Variants in MTOR observed in about 807,000 individuals in gnomAD.
MTOR encodes the protein serine/threonine-protein kinase mTOR.
MTOR carries 70 observed loss-of-function variants against 319.8 expected under a neutral mutation model. That is an observed-to-expected ratio of 0.22 (90% CI 0.18 to 0.27). MTOR has a LOEUF of 0.27. Ranked by LOEUF, MTOR falls within the 10% of genes least tolerant of loss-of-function variation. The pLI, the probability that MTOR is intolerant of heterozygous loss-of-function variation, is 1.00. For missense variants in MTOR, 1,890 were observed against 3,274.4 expected (o/e 0.58, Z 10.32); for synonymous variants, 1,183 against 1,211.4 (o/e 0.98, Z 0.49).
In MTOR at chr1:11,114,308, T is replaced by C. The variant is rs1484005957; in HGVS notation, c.7300+10A>G. ...CTGAGCTCAGCTCCCAGGCACTTGA[T>C]GATACTCACTGTCCATCAGCCTCCA... On this transcript the variant is annotated intron_variant, in intron 53 of 57. Coordinates refer to ENST00000361445, the MANE Select transcript of MTOR (RefSeq NM_004958.4). 1.2e-6 allele frequency: 2 copies of C among 1,613,514 alleles called. No individual in the cohort carries two copies. Among genetic ancestry groups the C allele is most frequent in the African/African-American group, 1.3e-5 (1 of 74,896 alleles).
chr1:11,141,850 A>G (rs1643723921), intron 34 of MTOR, among the ~76,000 whole-genome samples: 2 of 150,534 alleles, frequency 1.3e-5, no homozygotes, highest in Non-Finnish European at 3.0e-5. Flanking sequence ...ATAAAAAAAA[A>G]ATTAGCCAGG....
chr1:11,248,734 C>T (rs1468730815), intron 6 of MTOR, among the ~76,000 whole-genome samples: 1 of 152,092 alleles, frequency 6.6e-6, no homozygotes, highest in Non-Finnish European at 1.5e-5. Flanking sequence ...ATCACTTGAA[C>T]CCAGCAGGCA....
chr1:11,137,150 A>AT lies in MTOR; in HGVS notation c.5130+2153dup, dbSNP rs371844124. ...AGCCACCACACCTGGCTTAAATCTG[A>AT]TTAAAAAAAAAAAAAAAAAAAAAAA... On this transcript the variant is annotated intron_variant, in intron 36 of 57. Coordinates refer to ENST00000361445, the MANE Select transcript of MTOR (RefSeq NM_004958.4). 1.1e-4 allele frequency among the ~76,000 whole-genome samples: 7 copies of AT among 63,616 alleles called. No homozygotes were observed. In the South Asian group the frequency reaches 2.1e-3, roughly 19 times the overall value. 41.7% of individuals were successfully genotyped at this position (63,616 alleles called of 152,430 possible).
Position 11,212,212 on chromosome 1 carries a change from G to C in MTOR, c.3561+100C>G. ...AAAAGCAAGTAATTCCACGTTCTCT[G>C]ATGGTGGCTGGCATCAGACAAAGTC... On this transcript the variant is annotated intron_variant, in intron 23 of 57. Coordinates refer to ENST00000361445, the MANE Select transcript of MTOR (RefSeq NM_004958.4). The surrounding 1 kb of genome is among the most constrained non-coding windows in gnomAD (Gnocchi z 4.1). 1 of 1,415,022 alleles carries C rather than the reference G, an allele frequency of 7.1e-7. No individual in the cohort carries two copies. Among genetic ancestry groups the C allele is most frequent in the Admixed American group, 2.3e-5 (1 of 43,672 alleles). The allele number at this position is 1,415,022 out of a possible 1,614,324, so 87.7% of individuals were successfully genotyped here.
At chr1:11,162,881 G>A (rs1417520278) in intron 29 of MTOR, among the ~76,000 whole-genome samples, 5 of 152,092 alleles carry the variant, frequency 3.3e-5, no homozygotes, top group Non-Finnish European at 7.4e-5. Flanking sequence ...ATCAACTAAC[G>A]AGCAAAATAA....
chr1:11,250,477 C>T (rs986192620), intron 6 of MTOR, among the ~76,000 whole-genome samples: 5 of 152,198 alleles, frequency 3.3e-5, no homozygotes, highest in Non-Finnish European at 7.4e-5. Flanking sequence ...GACGCCCTTT[C>T]TTCACCTGGC....
chr1:11,251,739 G>A lies in MTOR; in HGVS notation c.840+2100C>T, dbSNP rs556899155. On this transcript the variant is annotated intron_variant, in intron 6 of 57. Transcript: ENST00000361445. ...ACTCCTGAGCTCAAACTCCCACCTC[G>A]GTCTCCCAGAATGCTTGGATTGGAT... 1.5e-3 allele frequency among the ~76,000 whole-genome samples: 227 copies of A among 147,226 alleles called. 2 individuals carry two copies. Among genetic ancestry groups the A allele is most frequent in the Middle Eastern group, 7.1e-3 (2 of 280 alleles).
At chr1:11,160,235 T>G (rs533044478) in intron 29 of MTOR, among the ~76,000 whole-genome samples, 20 of 152,046 alleles carry the variant, frequency 1.3e-4, no homozygotes, top group South Asian at 6.2e-4. Context: ...CGAGTAGCTG[T>G]GATTACAGGT....
rs566776855 is a variant in MTOR, at chr1:11,107,069, C to G, written c.*416G>C. 3 of 1,372,404 alleles carry G rather than the reference C, an allele frequency of 2.2e-6. No individual in the cohort carries two copies. Among genetic ancestry groups the G allele is most frequent in the South Asian group, 1.2e-5 (1 of 81,744 alleles). The allele number at this position is 1,372,404 out of a possible 1,614,324, so 85.0% of individuals were successfully genotyped here. ...CTAGGATCCTAATCCATGTTCTCCA[C>G]GACCTGAGGCTTCTTGGCTGTGCTG... On this transcript the variant is annotated 3_prime_UTR_variant, in exon 58 of 58. Transcript: ENST00000361445.
intron 8 of MTOR, among the ~76,000 whole-genome samples, chr1:11,246,848 A>G (rs1321824645): frequency 6.6e-6 from 1 of 152,200 alleles, no homozygotes. Flanking sequence ...TTTTACCTCT[A>G]CCCTATTTCC....
chr1:11,194,727 A>C, intron 28 of MTOR: 2 of 1,608,468 alleles, frequency 1.2e-6, no homozygotes, highest in Non-Finnish European at 1.7e-6. Context: ...GAGGAGAAAG[A>C]GTGAATTATA....
chr1:11,178,736 C>T (rs1035117998), intron 28 of MTOR, among the ~76,000 whole-genome samples: 18 of 152,144 alleles, frequency 1.2e-4, no homozygotes, highest in Admixed American at 9.2e-4. Context: ...AAGGGGTGGG[C>T]TGATAGAGTG....
chr1:11,119,305 G>A (rs376256876), intron 49 of MTOR, among the ~76,000 whole-genome samples: 45 of 151,880 alleles, frequency 3.0e-4, no homozygotes, highest in African/African-American at 1.0e-3. Context: ...GGTGGCTCCC[G>A]CCTGTAATCC....
At chr1:11,114,556 T>G in intron 52 of MTOR, 103 bp from the exon 53 acceptor site, 7 of 1,492,322 alleles carry the variant, frequency 4.7e-6, no homozygotes, top group Non-Finnish European at 6.4e-6. Context: ...ACACAGGCCA[T>G]GTTGACGTAT....
At chr1:11,135,699 G>A (rs1211090114) in intron 36 of MTOR, among the ~76,000 whole-genome samples, 2 of 151,514 alleles carry the variant, frequency 1.3e-5, no homozygotes, top group African/African-American at 2.4e-5. Context: ...CGGGCGTGGT[G>A]GGGCGCGCCT....
chr1:11,174,984 A>G (rs1644937399), intron 28 of MTOR, among the ~76,000 whole-genome samples: 1 of 152,220 alleles, frequency 6.6e-6, no homozygotes, highest in Non-Finnish European at 1.5e-5. Context: ...TGCCTATAAC[A>G]GTGTGCAGAA....
intron 30 of MTOR, among the ~76,000 whole-genome samples, chr1:11,156,285 C>T (rs1287438673): frequency 6.6e-6 from 1 of 152,184 alleles, no homozygotes; most frequent in African/African-American, 2.4e-5. Flanking sequence ...CCACTGTGCC[C>T]GGCCTGTTTT....
In MTOR at chr1:11,129,944, CAATT is replaced by C. The variant is rs975905066; in HGVS notation, c.5614-110_5614-107del. 6 of 928,222 alleles carry C rather than the reference CAATT, an allele frequency of 6.5e-6. No individual in the cohort carries two copies. The highest frequency in any genetic ancestry group is 2.3e-5 in the Admixed American group (1 of 43,008). 57.5% of individuals were successfully genotyped at this position (928,222 alleles called of 1,614,324 possible). A position where few individuals can be genotyped will look rare whatever the true frequency, so the allele number is the denominator to read the frequency against. ...TACCTACTTCAAAGGGTGGTTATAA[CAATT>C]AAATCGGTTAATGCATGAAAAATCT... On this transcript the variant is annotated intron_variant, in intron 39 of 57. Transcript: ENST00000361445. This position sits in a 1 kb window ranked among gnomAD's most constrained non-coding sequence, Gnocchi z 4.7.
At chr1:11,247,131 G>T (rs955419556) in intron 8 of MTOR, among the ~76,000 whole-genome samples, 1 of 152,176 alleles carries the variant, frequency 6.6e-6, no homozygotes, top group African/African-American at 2.4e-5. Context: ...ATGGAAGAAG[G>T]CAAGGACATT....
Sources: allele counts gnomAD v4.1 joint callset (sites outside exome capture counted in the v4.1 genomes callset), GRCh38; gene constraint gnomAD v4.1.1; non-coding constraint Gnocchi (gnomAD v3.1); transcripts MANE v1.5; gene names NCBI Gene and HGNC (gene_info 2026-07-23, HGNC 2026-07-21).